Variants in CSMD3 observed in about 807,000 individuals in gnomAD.
The protein encoded by CSMD3 is CUB and sushi domain-containing protein 3.
Under a neutral mutation model 435.2 loss-of-function variants are expected in CSMD3, and 177 were observed. The observed-to-expected ratio is 0.41, with a 90% CI of 0.36 to 0.46. CSMD3 has a LOEUF of 0.46. CSMD3 is among the 20% of genes least tolerant of loss of function. The pLI is 0.34. For synonymous variants in CSMD3, 1,656 were observed against 1,520.5 expected (o/e 1.09, Z -2.07); for missense variants, 4,265 against 4,504.6 (o/e 0.95, Z 1.52).
At chr8:112,841,589 G>T (rs972085345) in intron 11 of CSMD3, among the ~76,000 whole-genome samples, 6 of 151,578 alleles carry the variant, frequency 4.0e-5, no homozygotes, top group East Asian at 1.9e-4. Flanking sequence ...CTAAAAAATC[G>T]ATTGCAATCC....
At chr8:113,078,306 G>A (rs1436419667) in intron 5 of CSMD3, among the ~76,000 whole-genome samples, 1 of 152,138 alleles carries the variant, frequency 6.6e-6, no homozygotes, top group Non-Finnish European at 1.5e-5. Flanking sequence ...ATGCTACTGA[G>A]ATCCCGTTAA....
At chr8:112,613,729 C>A (rs1833444489) in intron 22 of CSMD3, among the ~76,000 whole-genome samples, 1 of 151,992 alleles carries the variant, frequency 6.6e-6, no homozygotes, top group Non-Finnish European at 1.5e-5. Context: ...TGCTAGAGAT[C>A]CAGCCATAAA....
chr8:112,741,686 G>C (rs559815870), intron 13 of CSMD3, among the ~76,000 whole-genome samples: 1 of 151,668 alleles, frequency 6.6e-6, no homozygotes, highest in Non-Finnish European at 1.5e-5. Context: ...CATGTTATCT[G>C]TTCTTACCAC....
intron 27 of CSMD3, among the ~76,000 whole-genome samples, chr8:112,536,795 T>C (rs1826138729): frequency 6.6e-6 from 1 of 151,166 alleles, no homozygotes; most frequent in Admixed American, 6.6e-5. Context: ...ATAGACTGGA[T>C]TAAGAAAATG....
chr8:113,185,360 G>A (rs531587459), intron 3 of CSMD3, among the ~76,000 whole-genome samples: 7 of 152,006 alleles, frequency 4.6e-5, no homozygotes, highest in Admixed American at 1.3e-4. Flanking sequence ...AAGCATAATC[G>A]TATAATCATT....
At position 112,511,374 on chromosome 8, in the gene CSMD3, A is replaced by ATTTTC. The variant is rs1563639086; in HGVS notation, c.4757-4550_4757-4546dup. Among the ~76,000 whole-genome samples, 347 of 129,022 alleles carry ATTTTC rather than the reference A, an allele frequency of 2.7e-3. 14 individuals carry two copies. Among genetic ancestry groups the ATTTTC allele is most frequent in the East Asian group, 3.4e-3 (15 of 4,410 alleles). The allele number at this position is 129,022 out of a possible 152,430, so 84.6% of individuals were successfully genotyped here. A position where few individuals can be genotyped will look rare whatever the true frequency, so the allele number is the denominator to read the frequency against. On this transcript the variant is annotated intron_variant, in intron 28 of 70. Transcript: ENST00000297405. ...TGTTGAAATCTGGGGTAGCTGTGGC[A>ATTTTC]TTTTCTTTTCTTTTTTTTTTTTTTT...
chr8:112,962,145 G>A (rs1278296736), intron 7 of CSMD3, among the ~76,000 whole-genome samples: 4 of 151,478 alleles, frequency 2.6e-5, no homozygotes, highest in Admixed American at 6.6e-5. Context: ...CTCAATTTAT[G>A]CACTTTCTTG....
chr8:112,698,384 C>T (rs113130680), intron 13 of CSMD3, among the ~76,000 whole-genome samples: 2,910 of 152,060 alleles, frequency 0.019, 53 homozygotes, highest in Middle Eastern at 0.048. Context: ...TATATGTGCA[C>T]ATATTTTCTA....
At chr8:112,245,587 G>A (rs1814645573) in intron 64 of CSMD3, among the ~76,000 whole-genome samples, 1 of 152,092 alleles carries the variant, frequency 6.6e-6, no homozygotes, top group Non-Finnish European at 1.5e-5. Flanking sequence ...GCCCAGGCTG[G>A]AGCACAGTGT....
chr8:113,123,523 T>C, intron 4 of CSMD3, among the ~76,000 whole-genome samples: 1 of 152,072 alleles, frequency 6.6e-6, no homozygotes, highest in East Asian at 1.9e-4. Flanking sequence ...ACATGCATTC[T>C]TATTAGTAGA....
At chr8:112,638,253 C>T (rs968653449) in intron 21 of CSMD3, among the ~76,000 whole-genome samples, 12 of 148,886 alleles carry the variant, frequency 8.1e-5, no homozygotes, top group Non-Finnish European at 1.5e-4. Flanking sequence ...TAATTCTGGC[C>T]TGTTGACTAT....
chr8:112,300,001 A>G (rs1479727943), intron 53 of CSMD3, among the ~76,000 whole-genome samples: 4 of 150,930 alleles, frequency 2.7e-5, no homozygotes, highest in Admixed American at 6.6e-5. Flanking sequence ...AATACACAAT[A>G]ACAATTCATG....
intron 1 of CSMD3, among the ~76,000 whole-genome samples, chr8:113,387,701 AG>A (rs2094445104): frequency 6.6e-6 from 1 of 151,742 alleles, no homozygotes; most frequent in South Asian, 2.1e-4. Context: ...TTGGCAGAAA[AG>A]GGGGATGAGG....
rs372981862 is a variant in CSMD3, at chr8:113,073,813, G to T, written c.917+24943C>A. Among the ~76,000 whole-genome samples, 7 of 151,482 alleles carry T rather than the reference G, an allele frequency of 4.6e-5. No homozygotes were observed. In the South Asian group the frequency reaches 1.0e-3, roughly 23 times the overall value. On this transcript the variant is annotated intron_variant, in intron 5 of 70. Coordinates refer to ENST00000297405, the MANE Select transcript of CSMD3 (RefSeq NM_198123.2). ...GACAGCATTCGCCTTCGGAAATGTT[G>T]CCTAATTTTAGTCCCTATGTTCCCC...
At chr8:113,042,840 G>T (rs1012631528) in intron 5 of CSMD3, among the ~76,000 whole-genome samples, 4 of 152,168 alleles carry the variant, frequency 2.6e-5, no homozygotes, top group Admixed American at 2.6e-4. Flanking sequence ...TAAATGTGCT[G>T]CTTTTAACCT....
intron 13 of CSMD3, among the ~76,000 whole-genome samples, chr8:112,740,756 A>C (rs927334709): frequency 1.3e-5 from 2 of 151,834 alleles, no homozygotes; most frequent in Non-Finnish European, 2.9e-5. Context: ...TCTAGACTGA[A>C]TGTCTTTGCA....
At chr8:113,201,740 C>G (rs1429893644) in intron 3 of CSMD3, among the ~76,000 whole-genome samples, 1 of 151,888 alleles carries the variant, frequency 6.6e-6, no homozygotes, top group Non-Finnish European at 1.5e-5. Context: ...TTAAAAAAAC[C>G]TTTAGAGCAG....
At chr8:112,850,117 C>T (rs534074105) in intron 11 of CSMD3, among the ~76,000 whole-genome samples, 28 of 152,128 alleles carry the variant, frequency 1.8e-4, no homozygotes, top group African/African-American at 5.8e-4. Flanking sequence ...ATCCAGTGAA[C>T]GTTAACTATT....
At chr8:113,153,101 A>AAAAGAAAGAAAGAAAGAAAG (rs1554791157) in intron 4 of CSMD3, among the ~76,000 whole-genome samples, 5 of 100,048 alleles carry the variant, frequency 5.0e-5, no homozygotes, top group African/African-American at 1.9e-4. Flanking sequence ...AGAAAGAAAG[A>AAAAGAAAGAAAGAAAGAAAG]AAAGAAAGAA....
Sources: allele counts gnomAD v4.1 joint callset (sites outside exome capture counted in the v4.1 genomes callset), GRCh38; gene constraint gnomAD v4.1.1; transcripts MANE v1.5; gene names NCBI Gene and HGNC (gene_info 2026-07-23, HGNC 2026-07-21).